The following MSI2 variants were observed in gnomAD, a reference collection of about 807,000 sequenced individuals.
MSI2 encodes RNA-binding protein Musashi homolog 2.
In MSI2, 17 loss-of-function variants were observed where a neutral mutation model predicts 45.6. That is an observed-to-expected ratio of 0.37 (90% CI 0.26 to 0.56). MSI2 has a LOEUF of 0.56. Ranked by LOEUF, MSI2 falls within the 20% of genes least tolerant of loss-of-function variation. The pLI, the probability that MSI2 is intolerant of heterozygous loss-of-function variation, is 0.77. For synonymous variants in MSI2, 156 were observed against 158.2 expected (o/e 0.99, Z 0.11); for missense variants, 293 against 444.2 (o/e 0.66, Z 3.06).
intron 6 of MSI2, among the ~76,000 whole-genome samples, chr17:57,481,368 C>T (rs1341076176): frequency 6.6e-6 from 1 of 152,204 alleles, no homozygotes; most frequent in Non-Finnish European, 1.5e-5. Flanking sequence ...GTATTGTCTT[C>T]TCCATAAATA....
chr17:57,623,365 G>A (rs572152209), intron 9 of MSI2, among the ~76,000 whole-genome samples: 2 of 152,200 alleles, frequency 1.3e-5, no homozygotes, highest in Non-Finnish European at 2.9e-5. Flanking sequence ...GAGCCCGGGA[G>A]AAGATGAGTC....
At chr17:57,586,315 C>G (rs1424925485) in intron 7 of MSI2, among the ~76,000 whole-genome samples, 2 of 152,222 alleles carry the variant, frequency 1.3e-5, no homozygotes, top group Admixed American at 6.5e-5. Context: ...ACAGATTTCT[C>G]TCTTAGAAAA....
intron 6 of MSI2, among the ~76,000 whole-genome samples, chr17:57,499,650 G>A (rs976884097): frequency 3.3e-5 from 5 of 152,164 alleles, no homozygotes; most frequent in African/African-American, 1.2e-4. Flanking sequence ...ATTATTTCTC[G>A]TGGTTTCTGT....
At chr17:57,623,800 C>T (rs188056128) in intron 9 of MSI2, among the ~76,000 whole-genome samples, 144 of 152,306 alleles carry the variant, frequency 9.5e-4, no homozygotes, top group African/African-American at 2.6e-3. Context: ...CAATTTCCCC[C>T]GTGTGGCTGG....
rs1281614500 is a variant in MSI2 at position 57,681,798 on chromosome 17, C to T, written c.*2281C>T. 1.2e-5 allele frequency: 2 copies of T among 166,040 alleles called. No individual in the cohort carries two copies. Among genetic ancestry groups the T allele is most frequent in the Non-Finnish European group, 2.4e-5 (2 of 82,702 alleles). 10.3% of individuals were successfully genotyped at this position (166,040 alleles called of 1,614,324 possible). On this transcript the variant is annotated 3_prime_UTR_variant, in exon 14 of 14. Coordinates refer to ENST00000284073, the MANE Select transcript of MSI2 (RefSeq NM_138962.4). ...ATCAAAACTTGTTCAAGTCATAAAA[C>T]AACAAAACATAAGTTTTATTTAAAA...
At chr17:57,686,396 AAGT>A (rs1366660820), downstream of MSI2, among the ~76,000 whole-genome samples, 1 of 152,200 alleles carries the variant, frequency 6.6e-6, no homozygotes, top group Admixed American at 6.5e-5. Flanking sequence ...ATAACACACA[AAGT>A]AGGATAGAAG....
intron 6 of MSI2, among the ~76,000 whole-genome samples, chr17:57,412,052 A>T (rs914359184): frequency 6.6e-5 from 10 of 151,792 alleles, no homozygotes; most frequent in Middle Eastern, 3.2e-3. Flanking sequence ...CTTTGAGGAA[A>T]GTCACTCTGA....
intron 6 of MSI2, among the ~76,000 whole-genome samples, chr17:57,403,475 C>T (rs555067795): frequency 6.6e-6 from 1 of 152,346 alleles, no homozygotes; most frequent in South Asian, 2.1e-4. Flanking sequence ...CCTGGCATGG[C>T]ACTCGCTGGG....
At chr17:57,640,369 A>C (rs745956827) in intron 10 of MSI2, among the ~76,000 whole-genome samples, 1 of 152,258 alleles carries the variant, frequency 6.6e-6, no homozygotes, top group Non-Finnish European at 1.5e-5. Flanking sequence ...GTTATCTATT[A>C]AAGCCCTTTG....
intron 11 of MSI2, among the ~76,000 whole-genome samples, chr17:57,657,533 G>C (rs1402257206): frequency 1.3e-5 from 2 of 152,214 alleles, no homozygotes; most frequent in East Asian, 3.8e-4. Context: ...AATTCTAAGA[G>C]CTCCAGTTCC....
intron 5 of MSI2, among the ~76,000 whole-genome samples, chr17:57,282,035 T>C (rs1011569073): frequency 1.3e-5 from 2 of 152,324 alleles, no homozygotes; most frequent in East Asian, 3.9e-4. Context: ...CTTCCCTAGC[T>C]TTATCTCCCT....
intron 6 of MSI2, among the ~76,000 whole-genome samples, chr17:57,429,489 C>G (rs528998272): frequency 2.4e-4 from 36 of 152,258 alleles, no homozygotes; most frequent in South Asian, 1.5e-3. Flanking sequence ...ATTCAGCATC[C>G]AGGGAGGCTG....
intron 9 of MSI2, 147 bp downstream of exon 9, chr17:57,616,231 C>A: frequency 1.6e-6 from 1 of 611,108 alleles, no homozygotes; most frequent in Non-Finnish European, 2.9e-6. Context: ...GATAATTCCC[C>A]GTTCCAAGAC....
intron 6 of MSI2, among the ~76,000 whole-genome samples, chr17:57,459,958 G>A (rs550036810): frequency 3.9e-5 from 6 of 152,002 alleles, no homozygotes; most frequent in Admixed American, 1.3e-4. Context: ...GTGAAACCCC[G>A]TCTCTACTAA....
At chr17:57,543,359 A>G (rs1486657293) in intron 7 of MSI2, among the ~76,000 whole-genome samples, 1 of 152,264 alleles carries the variant, frequency 6.6e-6, no homozygotes, top group East Asian at 1.9e-4. Context: ...GGTTTGAATC[A>G]AAAACATCAG....
chr17:57,687,008 C>A (rs974163912), downstream of MSI2, among the ~76,000 whole-genome samples: 2 of 147,500 alleles, frequency 1.4e-5, no homozygotes, highest in Non-Finnish European at 3.0e-5. Context: ...GCCAGCAGCC[C>A]CCCCCCCAAA....
intron 7 of MSI2, among the ~76,000 whole-genome samples, chr17:57,569,189 C>T (rs746863867): frequency 2.0e-5 from 3 of 152,140 alleles, no homozygotes; most frequent in Non-Finnish European, 2.9e-5. Context: ...TAGCTGCCAG[C>T]ATGTGCTTCT....
At chr17:57,341,468 G>A (rs997360877) in intron 5 of MSI2, among the ~76,000 whole-genome samples, 14 of 152,198 alleles carry the variant, frequency 9.2e-5, no homozygotes, top group African/African-American at 2.9e-4. Flanking sequence ...TCACACTGCC[G>A]CCTGGCTGGG....
chr17:57,675,249 C>T lies in MSI2; in HGVS notation c.945+123C>T, dbSNP rs150527445. The T allele has an allele frequency of 3.7e-4, 358 of 958,806 alleles. 5 individuals are homozygous for T. In the East Asian group the frequency reaches 5.1e-3, roughly 14 times the overall value. The allele number at this position is 958,806 out of a possible 1,614,324, so 59.4% of individuals were successfully genotyped here. On this transcript the variant is annotated intron_variant, in intron 12 of 13. Coordinates refer to ENST00000284073, the MANE Select transcript of MSI2 (RefSeq NM_138962.4). ...GGAGAGGACAGAGGGTCCCCATCAA[C>T]ATCACACCAGCTCCTGAGGGCTGAA...
Sources: gnomAD v4.1 joint callset for allele counts (sites outside exome capture counted in the v4.1 genomes callset) on GRCh38, gnomAD v4.1.1 for gene constraint, MANE v1.5 for transcripts, NCBI Gene and HGNC (gene_info 2026-07-23, HGNC 2026-07-21) for gene names.